The following CD44 variants were observed in gnomAD, a reference collection of about 807,000 sequenced individuals.
The protein encoded by CD44 is CD44 antigen.
CD44 carries 49 observed loss-of-function variants against 88.8 expected under a neutral mutation model. The observed-to-expected ratio is 0.55, with a 90% CI of 0.44 to 0.70. The LOEUF (loss-of-function observed/expected upper bound fraction) is 0.70. Ranked by LOEUF, CD44 falls within the 30% of genes least tolerant of loss-of-function variation. CD44 has a pLI of 0.00. For synonymous variants in CD44, 325 were observed against 312.3 expected (o/e 1.04, Z -0.43); for missense variants, 883 against 913.8 (o/e 0.97, Z 0.43).
At chr11:35,192,790 CTTTT>C (rs35505196) in intron 5 of CD44, among the ~76,000 whole-genome samples, 4 of 109,572 alleles carry the variant, frequency 3.7e-5, no homozygotes, top group Admixed American at 9.9e-5. Flanking sequence ...GGAATTCTTT[CTTTT>C]TTTTTTTTTT....
At chr11:35,198,382 T>C in intron 7 of CD44, 136 bp downstream of exon 7, 1 of 682,286 alleles carries the variant, frequency 1.5e-6, no homozygotes, top group East Asian at 2.7e-5. Flanking sequence ...TAGTTATATC[T>C]TGATGAGATT....
chr11:35,170,337 T>C (rs1943739506), intron 1 of CD44, among the ~76,000 whole-genome samples: 1 of 152,158 alleles, frequency 6.6e-6, no homozygotes, highest in Non-Finnish European at 1.5e-5. Flanking sequence ...AAAAAAACCT[T>C]CTTTCAGAGC....
chr11:35,186,515 G>A (rs529365892), intron 3 of CD44, among the ~76,000 whole-genome samples: 13 of 151,332 alleles, frequency 8.6e-5, no homozygotes, highest in East Asian at 3.9e-4. Flanking sequence ...AGAAGGAGCC[G>A]TGTCTATCTT....
Position 35,198,212 on chromosome 11 carries a change from C to T in CD44, c.888C>T (p.Gly296=), listed in dbSNP as rs1946948309. Residue 296 remains glycine (G), a synonymous_variant, in exon 7 of 18, where the codon GGC becomes GGT. Transcript: ENST00000428726. ...RDRHLSFSGS[G]IDDDEDFISS... ...GACACCTCAGTTTTTCTGGATCAGG[C>T]ATTGATGATGATGAAGATTTTATCT... 6.2e-7 allele frequency: 1 copy of T among 1,613,692 alleles called. No homozygotes were observed. Among genetic ancestry groups the T allele is most frequent in the Non-Finnish European group, 8.5e-7 (1 of 1,179,774 alleles).
intron 1 of CD44, among the ~76,000 whole-genome samples, chr11:35,158,819 C>T (rs974772606): frequency 1.3e-4 from 20 of 152,190 alleles, no homozygotes; most frequent in South Asian, 2.1e-4. Context: ...TGGAATGTTC[C>T]GGGAAGCAGG....
At chr11:35,203,847 G>C (rs1947554234) in intron 9 of CD44, among the ~76,000 whole-genome samples, 1 of 152,154 alleles carries the variant, frequency 6.6e-6, no homozygotes. Context: ...TTTTAAGCCT[G>C]TCACACACTA....
chr11:35,212,245 TTC>T (rs1948458985), intron 14 of CD44, among the ~76,000 whole-genome samples: 1 of 152,140 alleles, frequency 6.6e-6, no homozygotes, highest in African/African-American at 2.4e-5. Context: ...AAAAAACAGA[TTC>T]TGTCTTCCTA....
intron 14 of CD44, among the ~76,000 whole-genome samples, chr11:35,212,388 T>C (rs996354228): frequency 1.8e-4 from 27 of 151,072 alleles, no homozygotes; most frequent in African/African-American, 5.4e-4. Context: ...TTCATATGTG[T>C]GCATATATAT....
At chr11:35,204,478 C>G (rs1255778346) in intron 9 of CD44, 34 bp from the exon 10 acceptor site, 12 of 1,608,630 alleles carry the variant, frequency 7.5e-6, no homozygotes, top group Non-Finnish European at 8.5e-6. Flanking sequence ...GGAAAATAGA[C>G]AATTATGTCT....
At chr11:35,148,977 C>T (rs537278606) in intron 1 of CD44, among the ~76,000 whole-genome samples, 2 of 152,298 alleles carry the variant, frequency 1.3e-5, no homozygotes, top group East Asian at 3.9e-4. Context: ...GTTCTCTGCA[C>T]TCTCTTCAGT....
intron 1 of CD44, among the ~76,000 whole-genome samples, chr11:35,162,623 C>G (rs1025087753): frequency 6.6e-6 from 1 of 152,180 alleles, no homozygotes; most frequent in Non-Finnish European, 1.5e-5. Context: ...TGAGATTTCA[C>G]GGATTGAAAG....
Position 35,214,897 on chromosome 11 carries a change from A to C in CD44, c.1856A>C (p.His619Pro). The change falls in exon 15 of 18, where the codon CAT (histidine) becomes CCT (proline). Residue 619 changes from histidine to proline, a missense_variant. By Grantham distance (77) the His-to-Pro change is moderately conservative. Coordinates refer to ENST00000428726, the MANE Select transcript of CD44 (RefSeq NM_000610.4). The stretch of plus-strand genomic sequence containing the variant: ...CCCAGTGGGGGGTCCCATACCACTC[A>C]TGGATCTGAATCAGATGGTGAGTTC... Reference protein sequence around the residue: ...FHPSGGSHTTHGSESDGHSHG... With the variant: ...FHPSGGSHTTPGSESDGHSHG... The C allele has an allele frequency of 6.4e-7, 1 of 1,559,686 alleles. No homozygotes were observed. Among genetic ancestry groups the C allele is most frequent in the Non-Finnish European group, 8.7e-7 (1 of 1,153,526 alleles).
intron 1 of CD44, among the ~76,000 whole-genome samples, chr11:35,158,818 C>T (rs1942237281): frequency 6.6e-6 from 1 of 152,190 alleles, no homozygotes; most frequent in Non-Finnish European, 1.5e-5. Context: ...ATGGAATGTT[C>T]CGGGAAGCAG....
intron 1 of CD44, among the ~76,000 whole-genome samples, chr11:35,168,330 G>A (rs1242897337): frequency 6.6e-6 from 1 of 152,160 alleles, no homozygotes; most frequent in Non-Finnish European, 1.5e-5. Context: ...TGAAACCCAG[G>A]TCCCCCAGTG....
At chr11:35,188,069 C>G (rs887252719) in intron 4 of CD44, among the ~76,000 whole-genome samples, 5 of 152,204 alleles carry the variant, frequency 3.3e-5, no homozygotes, top group Admixed American at 2.6e-4. Flanking sequence ...ACTGCTAACC[C>G]TGATCTTACG....
At chr11:35,179,777 T>C in intron 2 of CD44, among the ~76,000 whole-genome samples, 1 of 152,142 alleles carries the variant, frequency 6.6e-6, no homozygotes, top group Non-Finnish European at 1.5e-5. Flanking sequence ...AAGTTGTGGC[T>C]GAGAAAGAAG....
chr11:35,223,181 T>G (rs1348760207), intron 17 of CD44: 2 of 985,072 alleles, frequency 2.0e-6, no homozygotes, highest in African/African-American at 3.5e-5. Flanking sequence ...AAAGGCCGCC[T>G]ATGATTGAAT....
At chr11:35,163,214 A>G (rs1171296708) in intron 1 of CD44, among the ~76,000 whole-genome samples, 1 of 151,482 alleles carries the variant, frequency 6.6e-6, no homozygotes, top group Non-Finnish European at 1.5e-5. Context: ...AGTAAGAGCT[A>G]TTGGCCACCA....
At chr11:35,217,598 G>T (rs4755391) in intron 15 of CD44, among the ~76,000 whole-genome samples, 25,647 of 152,188 alleles carry the variant, frequency 0.17, 2,578 homozygotes, top group Middle Eastern at 0.23. Context: ...GGTAGGAACT[G>T]GTTTTGCTCC....
Sources: gnomAD v4.1 joint callset for allele counts (sites outside exome capture counted in the v4.1 genomes callset) on GRCh38, gnomAD v4.1.1 for gene constraint, MANE v1.5 for transcripts, NCBI Gene and HGNC (gene_info 2026-07-23, HGNC 2026-07-21) for gene names.